LHFPL3: variants seen among roughly 807,000 people sequenced by gnomAD.
LHFPL3 encodes the protein LHFPL tetraspan subfamily member 3.
Under a neutral mutation model 19.3 loss-of-function variants are expected in LHFPL3, and 5 were observed. The observed-to-expected ratio is 0.26, with a 90% CI of 0.14 to 0.54. LHFPL3 has a LOEUF of 0.54. Among genes scored for constraint, LHFPL3 ranks in the 20% least tolerant of loss-of-function variants. The pLI is 0.94. For synonymous variants in LHFPL3, 133 were observed against 126.2 expected (o/e 1.05, Z -0.36); for missense variants, 249 against 307.4 (o/e 0.81, Z 1.42).
At chr7:104,527,569 G>A (rs1358804034) in intron 1 of LHFPL3, among the ~76,000 whole-genome samples, 5 of 152,172 alleles carry the variant, frequency 3.3e-5, no homozygotes, top group Non-Finnish European at 5.9e-5. Context: ...CTGAGAAAAA[G>A]CCTTCAAATT....
At chr7:104,453,016 T>C (rs1260975336) in intron 1 of LHFPL3, among the ~76,000 whole-genome samples, 3 of 152,220 alleles carry the variant, frequency 2.0e-5, no homozygotes, top group African/African-American at 4.8e-5. Context: ...CGTGCTTATA[T>C]ACAGAAAGAA....
chr7:104,873,302 A>G (rs1271349929), intron 2 of LHFPL3, among the ~76,000 whole-genome samples: 4 of 152,234 alleles, frequency 2.6e-5, no homozygotes, highest in South Asian at 2.1e-4. Context: ...CCTAAAAGGA[A>G]TATGTGTCAA....
intron 1 of LHFPL3, among the ~76,000 whole-genome samples, chr7:104,615,459 A>C (rs1410776057): frequency 1.3e-5 from 2 of 152,186 alleles, no homozygotes; most frequent in Non-Finnish European, 2.9e-5. Flanking sequence ...AGAAGAGTTT[A>C]ATTATTTGCA....
At chr7:104,534,106 A>G (rs1279830379) in intron 1 of LHFPL3, among the ~76,000 whole-genome samples, 1 of 152,098 alleles carries the variant, frequency 6.6e-6, no homozygotes. Flanking sequence ...GCATTATTCA[A>G]ACAGCTTCCT....
At chr7:104,361,802 T>C (rs1481278470) in intron 1 of LHFPL3, among the ~76,000 whole-genome samples, 3 of 152,218 alleles carry the variant, frequency 2.0e-5, no homozygotes. Flanking sequence ...CTTGGAGTAA[T>C]GAGAGAGACC....
intron 1 of LHFPL3, among the ~76,000 whole-genome samples, chr7:104,561,191 A>G (rs1789990620): frequency 6.6e-6 from 1 of 151,628 alleles, no homozygotes; most frequent in African/African-American, 2.4e-5. Context: ...GTAATTGTCT[A>G]TTAGGTCCGC....
intron 1 of LHFPL3, among the ~76,000 whole-genome samples, chr7:104,407,754 A>G (rs191577981): frequency 1.3e-4 from 20 of 152,348 alleles, no homozygotes; most frequent in South Asian, 4.1e-4. Context: ...TGGCAGAAAC[A>G]TGATGGGTAG....
intron 2 of LHFPL3, among the ~76,000 whole-genome samples, chr7:104,902,527 C>T (rs1792508179): frequency 1.3e-5 from 2 of 152,216 alleles, no homozygotes; most frequent in South Asian, 4.1e-4. Flanking sequence ...TGGCTCACTC[C>T]TATAATCCCA....
intron 1 of LHFPL3, among the ~76,000 whole-genome samples, chr7:104,589,678 G>A (rs1371977681): frequency 1.3e-5 from 2 of 152,140 alleles, no homozygotes; most frequent in African/African-American, 4.8e-5. Flanking sequence ...AATAGTTTCA[G>A]AAGGCATGGT....
intron 1 of LHFPL3, among the ~76,000 whole-genome samples, chr7:104,577,378 ATAAG>A (rs1790358309): frequency 6.6e-6 from 1 of 152,210 alleles, no homozygotes; most frequent in Non-Finnish European, 1.5e-5. Context: ...ATCTGAAAGA[ATAAG>A]TAAGCACAAA....
intron 1 of LHFPL3, among the ~76,000 whole-genome samples, chr7:104,734,200 G>C (rs1385747294): frequency 6.6e-6 from 1 of 152,066 alleles, no homozygotes; most frequent in African/African-American, 2.4e-5. Context: ...ATGTATCTTG[G>C]AGTTGCTCCT....
intron 1 of LHFPL3, among the ~76,000 whole-genome samples, chr7:104,430,184 A>G (rs1490102651): frequency 6.6e-6 from 1 of 150,938 alleles, no homozygotes; most frequent in Non-Finnish European, 1.5e-5. Context: ...TCTACTTTCA[A>G]GTTGGAGTAA....
chr7:104,753,169 C>A (rs533234388), intron 2 of LHFPL3, among the ~76,000 whole-genome samples: 2 of 152,334 alleles, frequency 1.3e-5, no homozygotes, highest in Admixed American at 6.5e-5. Context: ...AGGCCAACAA[C>A]AATGGCCAGA....
chr7:104,476,287 G>T (rs570789378), intron 1 of LHFPL3, among the ~76,000 whole-genome samples: 1 of 152,236 alleles, frequency 6.6e-6, no homozygotes, highest in African/African-American at 2.4e-5. Context: ...TTGTATAAAA[G>T]AATTGGGGAA....
intron 1 of LHFPL3, among the ~76,000 whole-genome samples, chr7:104,338,103 T>C (rs1789868928): frequency 7.3e-6 from 1 of 136,284 alleles, no homozygotes; most frequent in African/African-American, 2.7e-5. Flanking sequence ...CTTTTTTTTT[T>C]TTTTTTTTTT....
chr7:104,797,746 C>T (rs1341424340), intron 2 of LHFPL3, among the ~76,000 whole-genome samples: 1 of 134,414 alleles, frequency 7.4e-6, no homozygotes, highest in African/African-American at 2.7e-5. Flanking sequence ...GAAACCCCAT[C>T]TCTACAAAAA....
At chr7:104,846,857 T>C (rs184672412) in intron 2 of LHFPL3, among the ~76,000 whole-genome samples, 57 of 152,338 alleles carry the variant, frequency 3.7e-4, no homozygotes, top group African/African-American at 1.3e-3. Context: ...TGAAAGCAGC[T>C]GATTTCAAAA....
intron 1 of LHFPL3, among the ~76,000 whole-genome samples, chr7:104,466,478 T>A (rs1792788096): frequency 6.6e-6 from 1 of 152,232 alleles, no homozygotes; most frequent in African/African-American, 2.4e-5. Context: ...CGTATATTGG[T>A]GCTACTACTA....
chr7:104,567,714 G>A (rs756261603), intron 1 of LHFPL3, among the ~76,000 whole-genome samples: 1 of 152,064 alleles, frequency 6.6e-6, no homozygotes, highest in Admixed American at 6.6e-5. Flanking sequence ...CTTTCCTTTC[G>A]GCTTGCTCAT....
Sources: gnomAD v4.1 joint callset for allele counts (sites outside exome capture counted in the v4.1 genomes callset) on GRCh38, gnomAD v4.1.1 for gene constraint, MANE v1.5 for transcripts, NCBI Gene and HGNC (gene_info 2026-07-23, HGNC 2026-07-21) for gene names.